PYGO1: variants seen among roughly 807,000 people sequenced by gnomAD.
The protein encoded by PYGO1 is pygopus family PHD finger 1, also known as pygopus homolog 1.
A neutral mutation model predicts 29.5 loss-of-function variants in PYGO1; 6 were observed. The observed-to-expected ratio is 0.20, with a 90% CI of 0.11 to 0.40. The LOEUF (loss-of-function observed/expected upper bound fraction) is 0.40. PYGO1 is among the 10% of genes least tolerant of loss of function. The probability of loss-of-function intolerance (pLI) is 1.00; values close to 1 mark genes in which losing one functional copy is unlikely to be tolerated. For synonymous variants in PYGO1, 186 were observed against 180.5 expected (o/e 1.03, Z -0.24); for missense variants, 515 against 514.9 (o/e 1.00, Z 0.00).
At position 55,543,339 on chromosome 15, in the gene PYGO1, G is replaced by T. The variant is rs2058836128; in HGVS notation, c.*2684C>A. The T allele has an allele frequency of 1.3e-5, 2 of 152,126 alleles. No individual in the cohort carries two copies. Among genetic ancestry groups the T allele is most frequent in the South Asian group, 4.2e-4 (2 of 4,814 alleles). The allele number at this position is 152,126 out of a possible 1,614,324, so 9.4% of individuals were successfully genotyped here. ...AACTTTTGACTTAGCATTATGTAGA[G>T]ACAAATGTAGAACTAGCAGGAAAAT... On this transcript the variant is annotated 3_prime_UTR_variant, in exon 3 of 3. Transcript: ENST00000563719.
At chr15:55,567,727 T>C (rs1164077172) in intron 1 of PYGO1, among the ~76,000 whole-genome samples, 2 of 152,198 alleles carry the variant, frequency 1.3e-5, no homozygotes, top group Non-Finnish European at 2.9e-5. Context: ...TGGATTCTTA[T>C]AGTTTGAGGC....
At position 55,541,410 on chromosome 15, in the gene PYGO1, G is replaced by A. The variant is rs62020019; in HGVS notation, c.*4613C>T. 0.054 allele frequency: 8,175 copies of A among 152,242 alleles called. 281 individuals carry two copies. The highest frequency in any genetic ancestry group is 0.068 in the Middle Eastern group (20 of 294). 9.4% of individuals were successfully genotyped at this position (152,242 alleles called of 1,614,324 possible). A position where few individuals can be genotyped will look rare whatever the true frequency, so the allele number is the denominator to read the frequency against. ...GAGGAAGCTGTGAAAAGTCACAACA[G>A]CCTAAAGGAAACTGGAAGTACCCTC... On this transcript the variant is annotated 3_prime_UTR_variant, in exon 3 of 3. Coordinates refer to ENST00000563719, the MANE Select transcript of PYGO1 (RefSeq NM_001367806.1).
intron 1 of PYGO1, among the ~76,000 whole-genome samples, chr15:55,566,420 T>TA (rs2058957113): frequency 1.3e-5 from 2 of 151,990 alleles, no homozygotes; most frequent in Non-Finnish European, 2.9e-5. Flanking sequence ...CTTTTTTTTT[T>TA]ATGGTTGTTT....
At chr15:55,553,774 C>A (rs973447715) in intron 1 of PYGO1, among the ~76,000 whole-genome samples, 7 of 152,044 alleles carry the variant, frequency 4.6e-5, no homozygotes, top group Non-Finnish European at 8.8e-5. Flanking sequence ...GCACTCAAGC[C>A]AGCAATAGGT....
chr15:55,546,727 G>T lies in PYGO1; in HGVS notation c.556C>A (p.Gln186Lys). The T allele has an allele frequency of 6.2e-7, 1 of 1,613,926 alleles. No individual in the cohort carries two copies. The highest frequency in any genetic ancestry group is 1.1e-5 in the South Asian group (1 of 91,048). The change falls in exon 3 of 3, where the codon CAA becomes AAA. Residue 186 changes from glutamine to lysine, a missense_variant. Gln to Lys is a moderately conservative substitution (Grantham distance 53). Coordinates refer to ENST00000563719, the MANE Select transcript of PYGO1 (RefSeq NM_001367806.1). ...TGGCTAGCATTCTGTGGAGGAATTTGACTGAAATTTTCAGCAGGATTTTGT... is the reference window on the plus strand; with the variant it reads ...TGGCTAGCATTCTGTGGAGGAATTTTACTGAAATTTTCAGCAGGATTTTGT... Reference protein sequence around the residue: ...FRQNPAENFSQIPPQNASQVS... With the variant: ...FRQNPAENFSKIPPQNASQVS...
In PYGO1 at chr15:55,565,377, A is replaced by G. The variant is rs528856420; in HGVS notation, c.50-16382T>C. ...TTTTCATTTATCTCACCATGTATAAACTTTCATTTCTCTATAATGTATATT... is the reference window on the plus strand; with the variant it reads ...TTTTCATTTATCTCACCATGTATAAGCTTTCATTTCTCTATAATGTATATT... On this transcript the variant is annotated intron_variant, in intron 1 of 2. Coordinates refer to ENST00000563719, the MANE Select transcript of PYGO1 (RefSeq NM_001367806.1). Among the ~76,000 whole-genome samples, 4 of 151,906 alleles carry G rather than the reference A, an allele frequency of 2.6e-5. No individual in the cohort carries two copies. In the South Asian group the frequency reaches 6.2e-4, roughly 24 times the overall value.
At chr15:55,559,902 T>C (rs889532014) in intron 1 of PYGO1, among the ~76,000 whole-genome samples, 2 of 152,140 alleles carry the variant, frequency 1.3e-5, no homozygotes, top group African/African-American at 4.8e-5. Flanking sequence ...AATCAATAAA[T>C]ATAATTCATA....
At chr15:55,562,436 C>G (rs2058936798) in intron 1 of PYGO1, among the ~76,000 whole-genome samples, 1 of 152,176 alleles carries the variant, frequency 6.6e-6, no homozygotes, top group Non-Finnish European at 1.5e-5. Flanking sequence ...CTTTGGGAGG[C>G]TGAGGTGGGC....
chr15:55,568,088 C>T (rs751583294), intron 1 of PYGO1, among the ~76,000 whole-genome samples: 3 of 151,928 alleles, frequency 2.0e-5, no homozygotes, highest in Admixed American at 1.3e-4. Context: ...TGAATTTTAA[C>T]ACAGTTTTTT....
chr15:55,563,846 G>A (rs1302923977), intron 1 of PYGO1, among the ~76,000 whole-genome samples: 2 of 152,166 alleles, frequency 1.3e-5, no homozygotes, highest in Non-Finnish European at 2.9e-5. Flanking sequence ...TATAAAAAAT[G>A]CAAATTAAAA....
At chr15:55,578,450 G>T (rs1000203132) in intron 1 of PYGO1, among the ~76,000 whole-genome samples, 2 of 151,936 alleles carry the variant, frequency 1.3e-5, no homozygotes, top group African/African-American at 4.8e-5. Flanking sequence ...TTTCCACAGT[G>T]GCTACATCAT....
At chr15:55,563,955 G>C (rs1249961948) in intron 1 of PYGO1, among the ~76,000 whole-genome samples, 1 of 152,306 alleles carries the variant, frequency 6.6e-6, no homozygotes, top group South Asian at 2.1e-4. Flanking sequence ...TACTTTGCAG[G>C]TGGGAATGTA....
chr15:55,587,751 C>T (rs2141683605), intron 1 of PYGO1, 84 bp downstream of exon 1: 6 of 1,423,408 alleles, frequency 4.2e-6, no homozygotes, highest in South Asian at 1.4e-5. Context: ...CGGACAGAGC[C>T]CCATGGCCTC....
chr15:55,573,014 A>AG (rs1049688202), intron 1 of PYGO1, among the ~76,000 whole-genome samples: 5 of 151,522 alleles, frequency 3.3e-5, no homozygotes, highest in Non-Finnish European at 5.9e-5. Flanking sequence ...TCTTTAAAAA[A>AG]AAAAAAAAAA....
intron 1 of PYGO1, among the ~76,000 whole-genome samples, chr15:55,585,578 G>T (rs1409679659): frequency 3.3e-5 from 5 of 152,100 alleles, no homozygotes; most frequent in Non-Finnish European, 5.9e-5. Flanking sequence ...ATTTTAAAAA[G>T]TGTTTTGTCT....
rs945056566 is a variant in PYGO1 at position 55,542,096 on chromosome 15, T to G, written c.*3927A>C. Reference sequence around the variant, plus strand: ...AAAGAAATCCAAAACTCTTGAGAACTCCCTTTTAAAAAATCATTGCTTATA... The same window carrying G: ...AAAGAAATCCAAAACTCTTGAGAACGCCCTTTTAAAAAATCATTGCTTATA... On this transcript the variant is annotated 3_prime_UTR_variant, in exon 3 of 3. Transcript: ENST00000563719. 3 of 152,164 alleles carry G rather than the reference T, an allele frequency of 2.0e-5. No individual in the cohort carries two copies. Among genetic ancestry groups the G allele is most frequent in the Non-Finnish European group, 2.9e-5 (2 of 68,040 alleles). 9.4% of individuals were successfully genotyped at this position (152,164 alleles called of 1,614,324 possible).
At position 55,541,136 on chromosome 15, in the gene PYGO1, C is replaced by T. The variant is rs1415823549; in HGVS notation, c.*4887G>A. 1 of 152,164 alleles carries T rather than the reference C, an allele frequency of 6.6e-6. No individual in the cohort carries two copies. The highest frequency in any genetic ancestry group is 1.5e-5 in the Non-Finnish European group (1 of 68,024). 9.4% of individuals were successfully genotyped at this position (152,164 alleles called of 1,614,324 possible). ...TCAAAAGTTTTAAATTAAATACAGGCAGCTCTGATGTATTAACGCCTGGCA... is the reference window on the plus strand; with the variant it reads ...TCAAAAGTTTTAAATTAAATACAGGTAGCTCTGATGTATTAACGCCTGGCA... On this transcript the variant is annotated 3_prime_UTR_variant, in exon 3 of 3. Coordinates refer to ENST00000563719, the MANE Select transcript of PYGO1 (RefSeq NM_001367806.1).
At chr15:55,547,339 A>G in intron 2 of PYGO1, among the ~76,000 whole-genome samples, 192 bp from the exon 3 acceptor site, 1 of 152,338 alleles carries the variant, frequency 6.6e-6, no homozygotes, top group East Asian at 1.9e-4. Context: ...TGATAAAAAT[A>G]TTTAGTTTTA....
chr15:55,570,668 A>T (rs2141668117), intron 1 of PYGO1, among the ~76,000 whole-genome samples: 1 of 152,226 alleles, frequency 6.6e-6, no homozygotes, highest in Middle Eastern at 3.4e-3. Flanking sequence ...GAGAATTTGC[A>T]CATACCCTGT....
Sources: allele counts gnomAD v4.1 joint callset (sites outside exome capture counted in the v4.1 genomes callset), GRCh38; gene constraint gnomAD v4.1.1; transcripts MANE v1.5; gene names NCBI Gene and HGNC (gene_info 2026-07-23, HGNC 2026-07-21).